TM9SF4: variants seen among roughly 807,000 people sequenced by gnomAD.
The protein encoded by TM9SF4 is dinucleotide oxidase disulfide thiol exchanger 3 superfamily member 4.
A neutral mutation model predicts 90.4 loss-of-function variants in TM9SF4; 26 were observed. The observed-to-expected ratio is 0.29, with a 90% CI of 0.21 to 0.40. The LOEUF (loss-of-function observed/expected upper bound fraction) is 0.40, where lower values mean the gene tolerates loss of function less well. TM9SF4 is among the 10% of genes least tolerant of loss of function. The pLI is 1.00. For synonymous variants in TM9SF4, 293 were observed against 315.4 expected (o/e 0.93, Z 0.75); for missense variants, 549 against 834.8 (o/e 0.66, Z 4.22).
At chr20:32,148,959 C>T (rs1257316449) in intron 9 of TM9SF4, among the ~76,000 whole-genome samples, 1 of 152,142 alleles carries the variant, frequency 6.6e-6, no homozygotes, top group African/African-American at 2.4e-5. Context: ...CGTGAGCCAC[C>T]GCGCCCAGCC....
intron 1 of TM9SF4, among the ~76,000 whole-genome samples, chr20:32,130,437 G>A (rs903707156): frequency 2.6e-5 from 4 of 152,166 alleles, no homozygotes; most frequent in African/African-American, 9.7e-5. Context: ...GAACAGAGGG[G>A]AATTAGAGGA....
At chr20:32,125,681 C>CTTT (rs11470673) in intron 1 of TM9SF4, among the ~76,000 whole-genome samples, 10 of 108,948 alleles carry the variant, frequency 9.2e-5, no homozygotes, top group Non-Finnish European at 1.8e-4. Context: ...TCTCTTTTTT[C>CTTT]TTTTTTTTTT....
chr20:32,123,866 ATT>A (rs1165240152), intron 1 of TM9SF4, among the ~76,000 whole-genome samples: 6 of 93,960 alleles, frequency 6.4e-5, no homozygotes, highest in Admixed American at 2.4e-4. Flanking sequence ...ATATATATAT[ATT>A]TTTTTTTTTA....
In TM9SF4 at chr20:32,165,527, A is replaced by G. The variant is rs893945487; in HGVS notation, c.*83A>G. On this transcript the variant is annotated 3_prime_UTR_variant, in exon 18 of 18. Coordinates refer to ENST00000398022, the MANE Select transcript of TM9SF4 (RefSeq NM_014742.4). Reference sequence around the variant, plus strand: ...GGGGACTGCAGGCACGCAAAATAAAATAACTCCTGCTCGTTTGGAATGTAA... The same window carrying G: ...GGGGACTGCAGGCACGCAAAATAAAGTAACTCCTGCTCGTTTGGAATGTAA... The G allele has an allele frequency of 5.9e-5, 89 of 1,514,428 alleles. 1 individual carries two copies. The highest frequency in any genetic ancestry group is 4.2e-5 in the Non-Finnish European group (46 of 1,100,832). The allele number at this position is 1,514,428 out of a possible 1,614,324, so 93.8% of individuals were successfully genotyped here.
intron 1 of TM9SF4, among the ~76,000 whole-genome samples, chr20:32,121,924 G>C (rs1472005694): frequency 7.3e-6 from 1 of 136,912 alleles, no homozygotes; most frequent in Non-Finnish European, 1.6e-5. Context: ...CTGGCCGGGC[G>C]GGGGGCTGAC....
chr20:32,147,204 C>T (rs2046776147), intron 9 of TM9SF4, among the ~76,000 whole-genome samples: 1 of 152,054 alleles, frequency 6.6e-6, no homozygotes, highest in Non-Finnish European at 1.5e-5. Flanking sequence ...TGGTCTCAGT[C>T]TCCTGACCTC....
chr20:32,134,862 G>A (rs993537701), intron 2 of TM9SF4, among the ~76,000 whole-genome samples: 2 of 151,860 alleles, frequency 1.3e-5, no homozygotes, highest in Admixed American at 6.6e-5. Flanking sequence ...TAGTAGAGAC[G>A]GGGTTTCACC....
At position 32,145,292 on chromosome 20, in the gene TM9SF4, T is replaced by A; in HGVS notation, c.772-20T>A. The A allele has an allele frequency of 6.2e-7, 1 of 1,613,320 alleles. No individual in the cohort carries two copies. Among genetic ancestry groups the A allele is most frequent in the South Asian group, 1.1e-5 (1 of 91,056 alleles). ...CTCCAGCAGGATGCCTGACTCTAAG[T>A]GCTTCCTCCCACCTGCCAGGAAAGT... On this transcript the variant is annotated intron_variant, in intron 7 of 17. Transcript: ENST00000398022.
intron 1 of TM9SF4, among the ~76,000 whole-genome samples, chr20:32,115,732 G>A (rs1022853740): frequency 5.4e-5 from 8 of 148,176 alleles, no homozygotes; most frequent in South Asian, 2.1e-4. Flanking sequence ...TGGGAAAACC[G>A]TTTGCGCTTT....
At position 32,149,746 on chromosome 20, in the gene TM9SF4, G is replaced by A; in HGVS notation, c.1067G>A (p.Cys356Tyr). The change falls in exon 10 of 18, where the codon TGT becomes TAT. Residue 356 changes from cysteine (C) to tyrosine (Y), a missense_variant. Transcript: ENST00000398022. The part of the protein sequence containing the change: ...SLLGSGIQLF[C>Y]MILIVIFVAM... ...CTGGGCTCAGGCATTCAGCTGTTCT[G>A]TATGATCCTCATCGTCATCTGTGAG... 1.2e-6 allele frequency: 2 copies of A among 1,614,210 alleles called. No homozygotes were observed. The highest frequency in any genetic ancestry group is 1.7e-6 in the Non-Finnish European group (2 of 1,180,036).
chr20:32,109,801 CG>C (rs1190217424), intron 1 of TM9SF4, 46 bp downstream of exon 1: 13 of 1,551,172 alleles, frequency 8.4e-6, no homozygotes, highest in Non-Finnish European at 1.0e-5. Context: ...CGGGGCCCTC[CG>C]GGGTATCCCA....
At chr20:32,117,516 G>A (rs1006703710) in intron 1 of TM9SF4, among the ~76,000 whole-genome samples, 5 of 152,198 alleles carry the variant, frequency 3.3e-5, no homozygotes, top group South Asian at 2.1e-4. Flanking sequence ...GATGTTAATT[G>A]TTCACACCTT....
At chr20:32,162,652 C>T (rs1285905844) in intron 17 of TM9SF4, among the ~76,000 whole-genome samples, 1 of 152,176 alleles carries the variant, frequency 6.6e-6, no homozygotes, top group African/African-American at 2.4e-5. Flanking sequence ...AAGACACTCC[C>T]TCCTAACATT....
Position 32,142,882 on chromosome 20 carries a change from G to C in TM9SF4, c.529-100G>C. The C allele has an allele frequency of 3.3e-6, 5 of 1,499,950 alleles. No individual in the cohort carries two copies. The South Asian group carries it at 6.2e-5, about 19-fold the overall frequency. 92.9% of individuals were successfully genotyped at this position (1,499,950 alleles called of 1,614,324 possible). ...GTGATGAGAACAGTGTTTTAGGAAG[G>C]TTGGTACAACCAGGCATGCTGGGTG... On this transcript the variant is annotated intron_variant, in intron 5 of 17. Coordinates refer to ENST00000398022, the MANE Select transcript of TM9SF4 (RefSeq NM_014742.4).
chr20:32,157,728 C>A, intron 13 of TM9SF4, 66 bp from the exon 14 acceptor site: 1 of 1,574,446 alleles, frequency 6.4e-7, no homozygotes, highest in Non-Finnish European at 8.6e-7. Flanking sequence ...AGGTCCCCTC[C>A]CCCTTGCGCA....
chr20:32,123,481 C>CTT (rs11482946), intron 1 of TM9SF4, among the ~76,000 whole-genome samples: 19 of 147,044 alleles, frequency 1.3e-4, no homozygotes, highest in Non-Finnish European at 1.5e-4. Flanking sequence ...GCCATTTGAG[C>CTT]TTTTTTTTTT....
chr20:32,134,318 G>A (rs778190416), intron 2 of TM9SF4, among the ~76,000 whole-genome samples: 3 of 152,148 alleles, frequency 2.0e-5, no homozygotes, highest in Admixed American at 6.5e-5. Context: ...TCTCTGTAAC[G>A]TGCATTCTTT....
At position 32,147,324 on chromosome 20, in the gene TM9SF4, A is replaced by G. The variant is rs141243562; in HGVS notation, c.954+469A>G. Among the ~76,000 whole-genome samples the G allele has an allele frequency of 4.7e-3, 709 of 152,324 alleles. 3 individuals are homozygous for G. The highest frequency in any genetic ancestry group is 0.016 in the African/African-American group (681 of 41,554). On this transcript the variant is annotated intron_variant, in intron 9 of 17. Coordinates refer to ENST00000398022, the MANE Select transcript of TM9SF4 (RefSeq NM_014742.4). ...AATGTAATACCAAAAAAGTAAGGAA[A>G]AAAGTTTTATTCACCCAAAGTGATA...
In TM9SF4 at chr20:32,165,592, G is replaced by A; in HGVS notation, c.*148G>A. 1 of 894,266 alleles carries A rather than the reference G, an allele frequency of 1.1e-6. No homozygotes were observed. Among genetic ancestry groups the A allele is most frequent in the Non-Finnish European group, 1.7e-6 (1 of 591,378 alleles). The allele number at this position is 894,266 out of a possible 1,614,324, so 55.4% of individuals were successfully genotyped here. A position where few individuals can be genotyped will look rare whatever the true frequency, so the allele number is the denominator to read the frequency against. ...TTCCTGGATCCTGGGGCTGCGTGGG[G>A]GGCGGGAGGGCCTGTAGATAATCTT... On this transcript the variant is annotated 3_prime_UTR_variant, in exon 18 of 18. Coordinates refer to ENST00000398022, the MANE Select transcript of TM9SF4 (RefSeq NM_014742.4).
Sources: gnomAD v4.1 joint callset for allele counts (sites outside exome capture counted in the v4.1 genomes callset) on GRCh38, gnomAD v4.1.1 for gene constraint, MANE v1.5 for transcripts, NCBI Gene and HGNC (gene_info 2026-07-23, HGNC 2026-07-21) for gene names.